The following TBC1D9B variants were observed in gnomAD, a reference collection of about 807,000 sequenced individuals.
TBC1D9B encodes TBC1 domain family member 9B, also known as TBC1 domain family, member 9B (with GRAM domain).
A neutral mutation model predicts 121.1 loss-of-function variants in TBC1D9B; 87 were observed. The ratio of observed to expected loss-of-function variants is 0.72; its 90% confidence interval spans 0.60 to 0.86. The LOEUF (loss-of-function observed/expected upper bound fraction) is 0.86. Among genes scored for constraint, TBC1D9B ranks in the 40% least tolerant of loss-of-function variants. TBC1D9B has a pLI of 0.00. For missense variants in TBC1D9B, 1,540 were observed against 1,628.6 expected, an observed-to-expected ratio of 0.95 and a Z score of 0.94; for synonymous variants, 668 against 670.1, an observed-to-expected ratio of 1.00 and a Z score of 0.05.
chr5:179,897,274 C>T (rs989009296), intron 3 of TBC1D9B, among the ~76,000 whole-genome samples: 66 of 151,732 alleles, frequency 4.3e-4, no homozygotes, highest in Non-Finnish European at 1.2e-4. Flanking sequence ...CACTGCATCC[C>T]ACACATCCTG....
chr5:179,866,310 C>G (rs1013777542), intron 18 of TBC1D9B: 47 of 187,414 alleles, frequency 2.5e-4, no homozygotes, highest in African/African-American at 1.1e-3. Flanking sequence ...GCCTGCTGTG[C>G]CTGTTACTGA....
intron 15 of TBC1D9B, 129 bp from the exon 16 acceptor site, chr5:179,870,624 C>G: frequency 7.4e-7 from 1 of 1,356,262 alleles, no homozygotes; most frequent in Middle Eastern, 2.7e-4. Context: ...TAAGCACGGG[C>G]CAGACACTGC....
In TBC1D9B at chr5:179,880,654, G is replaced by A. The variant is rs547851955; in HGVS notation, c.1255-865C>T. Among the ~76,000 whole-genome samples, 10 of 152,030 alleles carry A rather than the reference G, an allele frequency of 6.6e-5. No individual in the cohort carries two copies. In the South Asian group the frequency reaches 1.2e-3, roughly 19 times the overall value. On this transcript the variant is annotated intron_variant, in intron 7 of 20. Coordinates refer to ENST00000355235, the MANE Select transcript of TBC1D9B (RefSeq NM_015043.4). ...TTCATGGGCGTATACCTGTTAAAAC[G>A]TACCAAATTGTATTCCTTAAATATG...
At position 179,877,664 on chromosome 5, in the gene TBC1D9B, C is replaced by CAAA. The variant is rs564753950; in HGVS notation, c.1782+642_1782+644dup. On this transcript the variant is annotated intron_variant, in intron 10 of 20. Transcript: ENST00000355235. ...GGGAAACAAGAGTGAGATTCTATCT[C>CAAA]AAAAAAAAAAAAAAAAAAAGAAAAG... 5.4e-4 allele frequency among the ~76,000 whole-genome samples: 36 copies of CAAA among 66,682 alleles called. 1 individual carries two copies. The highest frequency in any genetic ancestry group is 1.4e-3 in the African/African-American group (33 of 23,010). The allele number at this position is 66,682 out of a possible 152,430, so 43.7% of individuals were successfully genotyped here.
In TBC1D9B at chr5:179,865,955, G is replaced by T. The variant is rs777923080; in HGVS notation, c.2864-67C>A. On this transcript the variant is annotated intron_variant, in intron 18 of 20. Coordinates refer to ENST00000355235, the MANE Select transcript of TBC1D9B (RefSeq NM_015043.4). This position sits in a 1 kb window ranked among gnomAD's most constrained non-coding sequence, Gnocchi z 5.1. ...GCTGTTGGGACTGCAAGCTCCTGGG[G>T]TCCTTGAGATGTAGTCTGTGTTTCT... The T allele has an allele frequency of 6.3e-7, 1 of 1,589,220 alleles. No individual in the cohort carries two copies. The highest frequency in any genetic ancestry group is 1.1e-5 in the South Asian group (1 of 90,444).
chr5:179,878,886 G>GCCAGAGC (rs374030686), intron 9 of TBC1D9B, among the ~76,000 whole-genome samples, 161 bp downstream of exon 9: 13,112 of 151,862 alleles, frequency 0.086, 1,849 homozygotes, highest in African/African-American at 0.3. Flanking sequence ...TGGGTCCCGG[G>GCCAGAGC]CCAGAGCCCA....
At chr5:179,883,338 T>C (rs542742837) in intron 7 of TBC1D9B, among the ~76,000 whole-genome samples, 2 of 152,356 alleles carry the variant, frequency 1.3e-5, no homozygotes, top group Admixed American at 1.3e-4. Flanking sequence ...TGCTTTTTTC[T>C]GGGAAGGGTG....
intron 6 of TBC1D9B, among the ~76,000 whole-genome samples, chr5:179,888,967 TGAGG>T (rs938015779): frequency 4.5e-4 from 68 of 151,572 alleles, no homozygotes; most frequent in Non-Finnish European, 8.2e-4. Context: ...TAGGACTGCC[TGAGG>T]GAGGAAGAGA....
rs1760234766 is a variant in TBC1D9B at position 179,872,541 on chromosome 5, G to A, written c.2415+351C>T. ...AGCTTGTGGCAGACACATGCCATTTGGGGTGTGCGGAGGATGGCGGCATGT... is the reference window on the plus strand; with the variant it reads ...AGCTTGTGGCAGACACATGCCATTTAGGGTGTGCGGAGGATGGCGGCATGT... On this transcript the variant is annotated intron_variant, in intron 14 of 20. Transcript: ENST00000355235. The A allele has an allele frequency of 1.0e-5, 3 of 295,588 alleles. No homozygotes were observed. The Admixed American group carries it at 1.4e-4, about 14-fold the overall frequency. The allele number at this position is 295,588 out of a possible 1,614,324, so 18.3% of individuals were successfully genotyped here.
In TBC1D9B at chr5:179,879,763, C is replaced by T. The variant is rs749157543; in HGVS notation, c.1281G>A (p.Ser427=). Residue 427 remains serine, a synonymous_variant, in exon 8 of 21, where the codon TCG becomes TCA. Coordinates refer to ENST00000355235, the MANE Select transcript of TBC1D9B (RefSeq NM_015043.4). The part of the protein sequence containing the change: ...TESSPAPQEG[S]EQPASPASPL... ...GAGAGGCTGGGCTGGCGGGCTGCTC[C>T]GACCCCTCCTGAGGAGCTGGGGAAG... is the stretch of plus-strand genomic sequence containing the variant. The T allele has an allele frequency of 3.6e-5, 58 of 1,613,512 alleles. No homozygotes were observed. Among genetic ancestry groups the T allele is most frequent in the Middle Eastern group, 1.7e-4 (1 of 6,034 alleles).
intron 14 of TBC1D9B, 136 bp from the exon 15 acceptor site, chr5:179,871,666 C>T (rs775727734): frequency 2.4e-5 from 21 of 862,926 alleles, no homozygotes; most frequent in South Asian, 7.8e-5. Flanking sequence ...CACTCAAGGG[C>T]GGACCCTTCG....
chr5:179,892,208 G>A lies in TBC1D9B; in HGVS notation c.837-622C>T, dbSNP rs150328194. ...CCTGGGCCGCAGTGGCCTGACCAGGGCCTGACTGCATTCTCACCGGCAGTG... is the reference window on the plus strand; with the variant it reads ...CCTGGGCCGCAGTGGCCTGACCAGGACCTGACTGCATTCTCACCGGCAGTG... On this transcript the variant is annotated intron_variant, in intron 5 of 20. Transcript: ENST00000355235. Among the ~76,000 whole-genome samples, 858 of 152,354 alleles carry A rather than the reference G, an allele frequency of 5.6e-3. 10 individuals are homozygous for A. Among genetic ancestry groups the A allele is most frequent in the African/African-American group, 0.02 (814 of 41,580 alleles).
chr5:179,900,693 C>T lies in TBC1D9B; in HGVS notation c.230-1386G>A, dbSNP rs1012449260. Among the ~76,000 whole-genome samples the T allele has an allele frequency of 9.8e-5, 15 of 152,306 alleles. 1 individual carries two copies. The highest frequency in any genetic ancestry group is 6.2e-4 in the South Asian group (3 of 4,826). ...TAAAGATGCCTTATTTAATACGTAT[C>T]CCTGATCGATTGGCATTGAGCTCAC... On this transcript the variant is annotated intron_variant, in intron 2 of 20. Coordinates refer to ENST00000355235, the MANE Select transcript of TBC1D9B (RefSeq NM_015043.4).
intron 17 of TBC1D9B, chr5:179,868,221 G>A (rs1760079859): frequency 6.3e-6 from 1 of 158,550 alleles, no homozygotes; most frequent in South Asian, 2.0e-4. Flanking sequence ...TGCTCTTGTT[G>A]CCCAGGCTGG....
rs1423459653 is a variant in TBC1D9B at position 179,879,139 on chromosome 5, C to T, written c.1475G>A (p.Gly492Asp). The change falls in exon 9 of 21, where the codon GGC becomes GAC. Residue 492 changes from glycine to aspartate, a missense_variant. Gly to Asp is a moderately conservative substitution (Grantham distance 94, BLOSUM62 -1). Coordinates refer to ENST00000355235, the MANE Select transcript of TBC1D9B (RefSeq NM_015043.4). ...CTTGGCTGTGCGGTACATGCACACG[C>T]CACGCCCGTACTCGAAGAAGTGGAT... The part of the protein sequence containing the change: ...WHIHFFEYGR[G>D]VCMYRTAKTR... The T allele has an allele frequency of 6.2e-7, 1 of 1,607,344 alleles. No homozygotes were observed. The highest frequency in any genetic ancestry group is 1.3e-5 in the African/African-American group (1 of 75,044).
chr5:179,874,799 G>T lies in TBC1D9B; in HGVS notation c.2186+103C>A. The T allele has an allele frequency of 6.7e-7, 1 of 1,503,428 alleles. No individual in the cohort carries two copies. The highest frequency in any genetic ancestry group is 8.9e-7 in the Non-Finnish European group (1 of 1,123,876). The allele number at this position is 1,503,428 out of a possible 1,614,324, so 93.1% of individuals were successfully genotyped here. A position where few individuals can be genotyped will look rare whatever the true frequency, so the allele number is the denominator to read the frequency against. ...CACCCCCGGGTCCAGCTGCAGCCTG[G>T]CACTTGGTGGGCACAGTCACTTCAG... On this transcript the variant is annotated intron_variant, in intron 12 of 20. Transcript: ENST00000355235. This position sits in a 1 kb window ranked among gnomAD's most constrained non-coding sequence, Gnocchi z 4.3.
intron 5 of TBC1D9B, among the ~76,000 whole-genome samples, chr5:179,892,396 G>A (rs557201673): frequency 3.9e-5 from 6 of 152,246 alleles, no homozygotes; most frequent in Non-Finnish European, 8.8e-5. Flanking sequence ...TGCAATGCAG[G>A]AAATGGCCTG....
At position 179,891,083 on chromosome 5, in the gene TBC1D9B, T is replaced by C. The variant is rs750843880; in HGVS notation, c.1044+296A>G. Among the ~76,000 whole-genome samples the C allele has an allele frequency of 2.6e-5, 4 of 152,220 alleles. No individual in the cohort carries two copies. The highest frequency in any genetic ancestry group is 4.4e-5 in the Non-Finnish European group (3 of 68,032). On this transcript the variant is annotated intron_variant, in intron 6 of 20. Coordinates refer to ENST00000355235, the MANE Select transcript of TBC1D9B (RefSeq NM_015043.4). The surrounding 1 kb of genome is among the most constrained non-coding windows in gnomAD (Gnocchi z 4.3). ...CCCTGCAGGGCCCAGAAGGCAGGCCTGATGGAAACTCACGCGTGGGAGACC... is the reference window on the plus strand; with the variant it reads ...CCCTGCAGGGCCCAGAAGGCAGGCCCGATGGAAACTCACGCGTGGGAGACC...
chr5:179,866,323 GGT>G (rs1760008657), intron 18 of TBC1D9B: 1 of 183,606 alleles, frequency 5.4e-6, no homozygotes, highest in African/African-American at 2.4e-5. Context: ...GTTACTGAGG[GGT>G]GGTCTGTGCA....
Sources: gnomAD v4.1 joint callset for allele counts (sites outside exome capture counted in the v4.1 genomes callset) on GRCh38, gnomAD v4.1.1 for gene constraint, Gnocchi (gnomAD v3.1) non-coding constraint, MANE v1.5 for transcripts, NCBI Gene and HGNC (gene_info 2026-07-23, HGNC 2026-07-21) for gene names.